The following DGKG variants were observed in gnomAD, a reference collection of about 807,000 sequenced individuals.
DGKG encodes the protein DAG kinase gamma.
DGKG carries 78 observed loss-of-function variants against 105.3 expected under a neutral mutation model. That is an observed-to-expected ratio of 0.74 (90% CI 0.62 to 0.89). The LOEUF (loss-of-function observed/expected upper bound fraction) is 0.89, where lower values mean the gene tolerates loss of function less well. Among genes scored for constraint, DGKG ranks in the 40% least tolerant of loss-of-function variants. The pLI is 0.00. For missense variants in DGKG, 958 were observed against 1,020.1 expected, an observed-to-expected ratio of 0.94 and a Z score of 0.83; for synonymous variants, 346 against 367.1, an observed-to-expected ratio of 0.94 and a Z score of 0.66.
intron 21 of DGKG, among the ~76,000 whole-genome samples, chr3:186,193,663 G>A (rs1718020002): frequency 1.3e-5 from 2 of 152,188 alleles, no homozygotes; most frequent in South Asian, 4.1e-4. Flanking sequence ...CGTGCCGTCT[G>A]GGAAAGTGGA....
rs184284178 is a variant in DGKG, at chr3:186,215,490, G to T, written c.1827-3605C>A. 3.3e-5 allele frequency among the ~76,000 whole-genome samples: 5 copies of T among 152,154 alleles called. No individual in the cohort carries two copies. The East Asian group carries it at 9.7e-4, about 29-fold the overall frequency. ...GGCTGGGGAGGGGGATGGGGTGATG[G>T]TAGTGACCTAATCAGACTTAGGTTT... On this transcript the variant is annotated intron_variant, in intron 20 of 24. Transcript: ENST00000265022.
chr3:186,204,960 A>G (rs1025735226), intron 21 of DGKG, among the ~76,000 whole-genome samples: 7 of 152,184 alleles, frequency 4.6e-5, no homozygotes, highest in Non-Finnish European at 1.0e-4. Flanking sequence ...TAGGGCAGTT[A>G]AAAGTGACGA....
intron 1 of DGKG, among the ~76,000 whole-genome samples, chr3:186,341,933 C>G (rs150882274): frequency 0.045 from 6,909 of 152,080 alleles, 516 homozygotes; most frequent in African/African-American, 0.16. Context: ...ACCAAACACC[C>G]CATATTCTCA....
In DGKG at chr3:186,210,904, C is replaced by T. The variant is rs1330856678; in HGVS notation, c.1917+891G>A. On this transcript the variant is annotated intron_variant, in intron 21 of 24. Coordinates refer to ENST00000265022, the MANE Select transcript of DGKG (RefSeq NM_001346.3). The surrounding 1 kb of genome is among the most constrained non-coding windows in gnomAD (Gnocchi z 5.2). The stretch of plus-strand genomic sequence containing the variant: ...CAAGAGAACCAATGGGCGTAAAGTC[C>T]CACGGAGCAGGTGTGCATAGAAGTT... Among the ~76,000 whole-genome samples, 1 of 152,198 alleles carries T rather than the reference C, an allele frequency of 6.6e-6. No individual in the cohort carries two copies. Among genetic ancestry groups the T allele is most frequent in the East Asian group, 1.9e-4 (1 of 5,192 alleles).
At chr3:186,232,380 T>C (rs1430962039) in intron 20 of DGKG, among the ~76,000 whole-genome samples, 3 of 152,222 alleles carry the variant, frequency 2.0e-5, no homozygotes, top group African/African-American at 7.2e-5. Flanking sequence ...AAATATGTTA[T>C]AGCGCTGAGT....
chr3:186,218,609 G>A (rs1053171189), intron 20 of DGKG, among the ~76,000 whole-genome samples: 4 of 152,096 alleles, frequency 2.6e-5, no homozygotes, highest in Non-Finnish European at 4.4e-5. Context: ...AACAGGATGG[G>A]AGGACTCACG....
At chr3:186,154,994 C>T (rs1462934494) in intron 24 of DGKG, among the ~76,000 whole-genome samples, 1 of 152,142 alleles carries the variant, frequency 6.6e-6, no homozygotes, top group Non-Finnish European at 1.5e-5. Flanking sequence ...ATTCTGCTAT[C>T]GTCTAACTCT....
At chr3:186,195,773 T>A (rs1179095831) in intron 21 of DGKG, among the ~76,000 whole-genome samples, 1 of 152,210 alleles carries the variant, frequency 6.6e-6, no homozygotes, top group Non-Finnish European at 1.5e-5. Context: ...TTAAACATAG[T>A]CTATCCCTTG....
rs766345983 is a variant in DGKG at position 186,148,581 on chromosome 3, T to C, written c.*1509A>G. On this transcript the variant is annotated 3_prime_UTR_variant, in exon 25 of 25. Transcript: ENST00000265022. ...GACCAGAAATGACCCTACTCTGAGA[T>C]GTGTGGGTTCTTTTCTCCATTAAAT... 10 of 985,250 alleles carry C rather than the reference T, an allele frequency of 1.0e-5. No individual in the cohort carries two copies. The highest frequency in any genetic ancestry group is 1.2e-5 in the Non-Finnish European group (10 of 829,934). 61.0% of individuals were successfully genotyped at this position (985,250 alleles called of 1,614,324 possible).
chr3:186,205,942 G>A (rs939425962), intron 21 of DGKG, among the ~76,000 whole-genome samples: 33 of 152,016 alleles, frequency 2.2e-4, no homozygotes, highest in Admixed American at 1.2e-3. Flanking sequence ...GATGTGCAGA[G>A]ATTCCCAAAA....
At chr3:186,259,095 G>A (rs73180341) in intron 16 of DGKG, among the ~76,000 whole-genome samples, 4 of 124,878 alleles carry the variant, frequency 3.2e-5, no homozygotes, top group South Asian at 2.6e-4. Context: ...GCAGAACTCT[G>A]CTCTCCGACG....
intron 20 of DGKG, 49 bp downstream of exon 20, chr3:186,242,455 G>A (rs764640424): frequency 1.9e-5 from 29 of 1,525,856 alleles, no homozygotes; most frequent in Non-Finnish European, 2.0e-5. Flanking sequence ...CCTCTGTTCC[G>A]CCAGGGCCAC....
intron 22 of DGKG, among the ~76,000 whole-genome samples, chr3:186,181,868 G>C (rs947636794): frequency 6.6e-6 from 1 of 152,248 alleles, no homozygotes; most frequent in Non-Finnish European, 1.5e-5. Context: ...ACAGGCTCGA[G>C]ACCACTGCTG....
intron 20 of DGKG, among the ~76,000 whole-genome samples, chr3:186,241,728 GAAAA>G (rs1483590972): frequency 2.0e-5 from 3 of 151,876 alleles, no homozygotes; most frequent in African/African-American, 7.3e-5. Context: ...GTACAACAAA[GAAAA>G]AGAAAGAAAG....
At chr3:186,324,988 G>C (rs1315168795) in intron 1 of DGKG, among the ~76,000 whole-genome samples, 1 of 152,190 alleles carries the variant, frequency 6.6e-6, no homozygotes, top group East Asian at 1.9e-4. Flanking sequence ...GATGGATAAA[G>C]AAAATGTAAT....
chr3:186,338,320 T>C (rs1330608636), intron 1 of DGKG, among the ~76,000 whole-genome samples: 2 of 152,152 alleles, frequency 1.3e-5, no homozygotes, highest in African/African-American at 4.8e-5. Context: ...AATGGATACA[T>C]ATTTTATTCA....
chr3:186,175,375 G>C (rs1019855469), intron 22 of DGKG, among the ~76,000 whole-genome samples: 3 of 152,190 alleles, frequency 2.0e-5, no homozygotes, highest in East Asian at 1.9e-4. Context: ...CGTGTGGTGG[G>C]TGGGACGGGA....
chr3:186,160,442 A>G, intron 24 of DGKG: 1 of 985,468 alleles, frequency 1.0e-6, no homozygotes, highest in Non-Finnish European at 1.2e-6. Flanking sequence ...TCCTAACTCC[A>G]GCAAGGTGGA....
chr3:186,315,145 C>T (rs3819854), intron 2 of DGKG, among the ~76,000 whole-genome samples: 87,994 of 152,022 alleles, frequency 0.58, 26,119 homozygotes, highest in Middle Eastern at 0.67. Flanking sequence ...CTATAGTGTC[C>T]AAACAAACTC....
Sources: gnomAD v4.1 joint callset for allele counts (sites outside exome capture counted in the v4.1 genomes callset) on GRCh38, gnomAD v4.1.1 for gene constraint, Gnocchi (gnomAD v3.1) non-coding constraint, MANE v1.5 for transcripts, NCBI Gene and HGNC (gene_info 2026-07-23, HGNC 2026-07-21) for gene names.